CNTN3: variants seen among roughly 807,000 people sequenced by gnomAD.
CNTN3 encodes the protein contactin 3, also known as contactin-3.
CNTN3 carries 60 observed loss-of-function variants against 119.1 expected under a neutral mutation model. The observed-to-expected ratio is 0.50, with a 90% CI of 0.41 to 0.62. The LOEUF is 0.62. CNTN3 is among the 20% of genes least tolerant of loss of function. The pLI is 0.00. For synonymous variants in CNTN3, 450 were observed against 438.7 expected (o/e 1.03, Z -0.32); for missense variants, 1,101 against 1,242.4 (o/e 0.89, Z 1.71).
At chr3:74,300,077 A>C (rs1433893668) in intron 16 of CNTN3, 139 bp from the exon 17 acceptor site, 2 of 418,754 alleles carry the variant, frequency 4.8e-6, no homozygotes, top group Non-Finnish European at 8.3e-6. Flanking sequence ...GTTTATGTAC[A>C]TATACTTATA....
intron 5 of CNTN3, among the ~76,000 whole-genome samples, chr3:74,374,412 C>G (rs1158068263): frequency 6.6e-6 from 1 of 151,988 alleles, no homozygotes; most frequent in Non-Finnish European, 1.5e-5. Context: ...AGACTCTCCT[C>G]TGTATTTAAA....
At chr3:74,589,305 C>T (rs1250688598) in intron 1 of CNTN3, among the ~76,000 whole-genome samples, 4 of 151,836 alleles carry the variant, frequency 2.6e-5, no homozygotes, top group African/African-American at 4.8e-5. Flanking sequence ...AGGATATGAA[C>T]AGACACTTCT....
intron 11 of CNTN3, among the ~76,000 whole-genome samples, chr3:74,354,382 T>G (rs145888365): frequency 1.2e-3 from 189 of 152,234 alleles, no homozygotes; most frequent in Admixed American, 2.0e-3. Context: ...CAAGTACCAC[T>G]AAGTGATAGA....
intron 2 of CNTN3, among the ~76,000 whole-genome samples, chr3:74,513,437 C>G (rs980793043): frequency 6.6e-6 from 1 of 152,046 alleles, no homozygotes; most frequent in Non-Finnish European, 1.5e-5. Flanking sequence ...AGTAACTAAC[C>G]AGAGCCATTT....
intron 4 of CNTN3, among the ~76,000 whole-genome samples, chr3:74,432,472 T>C (rs1453668988): frequency 6.6e-6 from 1 of 151,920 alleles, no homozygotes; most frequent in Non-Finnish European, 1.5e-5. Context: ...GAAGCCACCA[T>C]AGGCCACAGG....
At chr3:74,472,897 T>C (rs974255130) in intron 4 of CNTN3, among the ~76,000 whole-genome samples, 4 of 152,284 alleles carry the variant, frequency 2.6e-5, no homozygotes, top group African/African-American at 9.6e-5. Context: ...ATTAGGCTTC[T>C]ACGGATTTTA....
intron 1 of CNTN3, among the ~76,000 whole-genome samples, chr3:74,546,439 G>A (rs1357761591): frequency 1.3e-5 from 2 of 152,200 alleles, no homozygotes; most frequent in Non-Finnish European, 2.9e-5. Flanking sequence ...AGTGGACTGG[G>A]AGAGGCAGAC....
intron 20 of CNTN3, among the ~76,000 whole-genome samples, chr3:74,282,080 T>A (rs890258957): frequency 2.6e-5 from 4 of 152,224 alleles, no homozygotes; most frequent in African/African-American, 4.8e-5. Flanking sequence ...TCCCTTGAGA[T>A]GAAAGATGCT....
chr3:74,513,611 G>T (rs866741714), intron 2 of CNTN3, among the ~76,000 whole-genome samples: 1 of 151,580 alleles, frequency 6.6e-6, no homozygotes, highest in South Asian at 2.1e-4. Flanking sequence ...CCACAAATAA[G>T]GGCTGGATCT....
intron 2 of CNTN3, among the ~76,000 whole-genome samples, chr3:74,509,643 A>T (rs1055923715): frequency 6.6e-6 from 1 of 152,094 alleles, no homozygotes; most frequent in Non-Finnish European, 1.5e-5. Context: ...GATTATAAAT[A>T]AGTAACCCAC....
At chr3:74,383,180 G>A (rs952942502) in intron 5 of CNTN3, among the ~76,000 whole-genome samples, 4 of 152,036 alleles carry the variant, frequency 2.6e-5, no homozygotes, top group African/African-American at 9.7e-5. Flanking sequence ...GAGCCTCCTG[G>A]AAATGATGCT....
chr3:74,580,041 G>C (rs955820059), intron 1 of CNTN3, among the ~76,000 whole-genome samples: 17 of 152,070 alleles, frequency 1.1e-4, no homozygotes, highest in African/African-American at 3.9e-4. Context: ...TCCAAGTGCA[G>C]GATGAAAAGG....
intron 2 of CNTN3, among the ~76,000 whole-genome samples, chr3:74,506,155 T>C (rs955167654): frequency 1.3e-5 from 2 of 152,094 alleles, no homozygotes; most frequent in African/African-American, 4.8e-5. Flanking sequence ...ATGTACAAAA[T>C]GGTTTGTGTT....
At chr3:74,585,833 G>T (rs1704583884) in intron 1 of CNTN3, among the ~76,000 whole-genome samples, 1 of 152,104 alleles carries the variant, frequency 6.6e-6, no homozygotes, top group South Asian at 2.1e-4. Context: ...GACAAAAAAT[G>T]GATCTATTCA....
In CNTN3 at chr3:74,264,026, T is replaced by A. The variant is rs1701622379; in HGVS notation, c.*375A>T. On this transcript the variant is annotated 3_prime_UTR_variant, in exon 23 of 23. Coordinates refer to ENST00000263665, the MANE Select transcript of CNTN3 (RefSeq NM_020872.3). ...AGTCTTCCAAATAATGCTATTATAA[T>A]GGGAAAATAGCATTTGAATTAAATG... 1 of 155,714 alleles carries A rather than the reference T, an allele frequency of 6.4e-6. No homozygotes were observed. Among genetic ancestry groups the A allele is most frequent in the Non-Finnish European group, 1.4e-5 (1 of 70,294 alleles). The allele number at this position is 155,714 out of a possible 1,614,324, so 9.6% of individuals were successfully genotyped here. A position where few individuals can be genotyped will look rare whatever the true frequency, so the allele number is the denominator to read the frequency against.
intron 1 of CNTN3, among the ~76,000 whole-genome samples, chr3:74,551,920 C>CATGTT (rs1703998150): frequency 6.6e-6 from 1 of 151,666 alleles, no homozygotes; most frequent in Non-Finnish European, 1.5e-5. Context: ...CATGTCACCA[C>CATGTT]ACCCCGGTAA....
At position 74,364,451 on chromosome 3, in the gene CNTN3, A is replaced by G. The variant is rs753778613; in HGVS notation, c.1213+16T>C. The G allele has an allele frequency of 2.0e-5, 32 of 1,604,684 alleles. No individual in the cohort carries two copies. The African/African-American group carries it at 3.9e-4, about 19-fold the overall frequency. On this transcript the variant is annotated intron_variant, in intron 10 of 22. Coordinates refer to ENST00000263665, the MANE Select transcript of CNTN3 (RefSeq NM_020872.3). ...AGACAAAAAATTAAGAGAAGAGCAG[A>G]GAAAATCAGCCTTACCAACAACTTT...
chr3:74,592,788 C>T (rs921934435), intron 1 of CNTN3, among the ~76,000 whole-genome samples: 2 of 151,896 alleles, frequency 1.3e-5, no homozygotes, highest in Non-Finnish European at 2.9e-5. Context: ...TTAAACAAAA[C>T]TTTACATTTT....
intron 19 of CNTN3, among the ~76,000 whole-genome samples, chr3:74,294,652 C>T (rs996480749): frequency 6.6e-5 from 10 of 152,112 alleles, no homozygotes; most frequent in Non-Finnish European, 1.2e-4. Context: ...TCAGATGTTT[C>T]GTCCTATTTC....
Sources: gnomAD v4.1 joint callset for allele counts (sites outside exome capture counted in the v4.1 genomes callset) on GRCh38, gnomAD v4.1.1 for gene constraint, MANE v1.5 for transcripts, NCBI Gene and HGNC (gene_info 2026-07-23, HGNC 2026-07-21) for gene names.